NLGN1: variants seen among roughly 807,000 people sequenced by gnomAD.
NLGN1 encodes the protein neuroligin-1.
NLGN1 carries 12 observed loss-of-function variants against 65.5 expected under a neutral mutation model. The ratio of observed to expected loss-of-function variants is 0.18; its 90% confidence interval spans 0.12 to 0.30. The LOEUF is 0.30. NLGN1 is among the 10% of genes least tolerant of loss of function. The pLI is 1.00. For missense variants in NLGN1, 750 were observed against 1,007.1 expected (o/e 0.74, Z 3.46); for synonymous variants, 350 against 359.5 (o/e 0.97, Z 0.30).
intron 4 of NLGN1, among the ~76,000 whole-genome samples, chr3:174,196,794 G>A (rs2152768025): frequency 6.6e-6 from 1 of 152,232 alleles, no homozygotes; most frequent in South Asian, 2.1e-4. Context: ...GAAAAAAATA[G>A]CTAACACAAG....
intron 3 of NLGN1, among the ~76,000 whole-genome samples, chr3:173,620,372 C>G (rs1021069524): frequency 6.6e-6 from 1 of 152,074 alleles, no homozygotes; most frequent in Non-Finnish European, 1.5e-5. Context: ...AAGGATGACT[C>G]TAAGATGTCT....
chr3:174,285,363 G>A (rs1455532034), exon 7 of NLGN1: 2 of 151,410 alleles, frequency 1.3e-5, no homozygotes, highest in Non-Finnish European at 3.0e-5. Flanking sequence ...AGATGATTTG[G>A]TTATACTTGT....
At chr3:174,152,651 T>A (rs1724610294) in intron 4 of NLGN1, among the ~76,000 whole-genome samples, 2 of 151,758 alleles carry the variant, frequency 1.3e-5, no homozygotes, top group South Asian at 2.1e-4. Flanking sequence ...ATAATAAAAA[T>A]ATATATATAA....
At chr3:174,206,945 T>TC (rs1172291413) in intron 4 of NLGN1, among the ~76,000 whole-genome samples, 3 of 152,088 alleles carry the variant, frequency 2.0e-5, no homozygotes, top group Non-Finnish European at 4.4e-5. Flanking sequence ...AAGTATGATA[T>TC]CCTCCATACT....
intron 4 of NLGN1, among the ~76,000 whole-genome samples, chr3:174,154,793 T>C (rs1045170784): frequency 2.7e-5 from 4 of 149,630 alleles, no homozygotes; most frequent in Non-Finnish European, 5.9e-5. Flanking sequence ...ATTTATAGTA[T>C]ATATGTTGTA....
intron 2 of NLGN1, among the ~76,000 whole-genome samples, chr3:173,444,845 T>C (rs1201366737): frequency 1.3e-5 from 2 of 152,002 alleles, no homozygotes; most frequent in Admixed American, 1.3e-4. Flanking sequence ...TGTTTGTATA[T>C]ATATACACAC....
chr3:173,905,410 AG>A (rs146421661), intron 4 of NLGN1, among the ~76,000 whole-genome samples: 4,942 of 152,322 alleles, frequency 0.032, 134 homozygotes, highest in African/African-American at 0.076. Flanking sequence ...AAAGATTTCA[AG>A]GCTTCATGCT....
chr3:174,097,165 G>A (rs1184705633), intron 4 of NLGN1, among the ~76,000 whole-genome samples: 1 of 152,050 alleles, frequency 6.6e-6, no homozygotes, highest in African/African-American at 2.4e-5. Flanking sequence ...TATTCTGAAT[G>A]TTTTCTTAAT....
chr3:173,935,620 A>ACTCTCTCT (rs1209463253), intron 4 of NLGN1, among the ~76,000 whole-genome samples: 1 of 116,554 alleles, frequency 8.6e-6, no homozygotes, highest in African/African-American at 3.2e-5. Flanking sequence ...ACACACACAC[A>ACTCTCTCT]CACTCTCTCT....
intron 2 of NLGN1, among the ~76,000 whole-genome samples, chr3:173,469,171 C>T (rs1369924311): frequency 1.3e-5 from 2 of 151,894 alleles, no homozygotes; most frequent in East Asian, 1.9e-4. Flanking sequence ...AAATTTTTTC[C>T]AGTTCTTACT....
At chr3:173,532,100 A>G (rs1375435742) in intron 2 of NLGN1, among the ~76,000 whole-genome samples, 3 of 152,094 alleles carry the variant, frequency 2.0e-5, no homozygotes, top group Non-Finnish European at 2.9e-5. Flanking sequence ...TATACTTCCA[A>G]ATGTCACTAA....
chr3:173,808,794 T>C (rs1410970501), intron 4 of NLGN1, among the ~76,000 whole-genome samples: 1 of 152,156 alleles, frequency 6.6e-6, no homozygotes, highest in African/African-American at 2.4e-5. Flanking sequence ...CGCCTCACTC[T>C]TTCATTCTAT....
At position 173,473,257 on chromosome 3, in the gene NLGN1, GT is replaced by G. The variant is rs1725607736; in HGVS notation, c.-321+38183del. On this transcript the variant is annotated intron_variant, in intron 2 of 6. Transcript: ENST00000457714. ...CACACAGTACGAAAATATAGAAAAT[GT>G]TTTGATAATACTGCAAGTTGAGAAT... Among the ~76,000 whole-genome samples, 5 of 152,284 alleles carry G rather than the reference GT, an allele frequency of 3.3e-5. No individual in the cohort carries two copies. The South Asian group carries it at 1.0e-3, about 32-fold the overall frequency.
rs529097688 is a variant in NLGN1, at chr3:174,006,758, A to T, written c.646+198926A>T. 3.9e-5 allele frequency among the ~76,000 whole-genome samples: 6 copies of T among 152,180 alleles called. No homozygotes were observed. The East Asian group carries it at 7.8e-4, about 20-fold the overall frequency. ...TTAGGGTGTGCCCTAATCCAATCTG[A>T]CTGCATTCTTATAAGAAGAGGAGAT... On this transcript the variant is annotated intron_variant, in intron 4 of 6. Transcript: ENST00000457714.
Position 173,545,945 on chromosome 3 carries a change from G to C in NLGN1, c.-320-58334G>C, listed in dbSNP as rs927617659. 6.7e-4 allele frequency among the ~76,000 whole-genome samples: 102 copies of C among 152,192 alleles called. 1 individual carries two copies. Among genetic ancestry groups the C allele is most frequent in the African/African-American group, 2.3e-3 (95 of 41,532 alleles). Reference sequence around the variant, plus strand: ...AACATCACACACTGGGGCCTGTCAGGGGGTGGGGGGCTAGGGAAGGGATAG... The same window carrying C: ...AACATCACACACTGGGGCCTGTCAGCGGGTGGGGGGCTAGGGAAGGGATAG... On this transcript the variant is annotated intron_variant, in intron 2 of 6. Transcript: ENST00000457714.
intron 4 of NLGN1, among the ~76,000 whole-genome samples, chr3:173,860,933 G>A (rs1444628825): frequency 2.6e-5 from 4 of 152,160 alleles, no homozygotes; most frequent in Non-Finnish European, 5.9e-5. Flanking sequence ...ACAGATGTAT[G>A]AGACCATCAA....
intron 3 of NLGN1, among the ~76,000 whole-genome samples, chr3:173,639,534 G>T (rs1293698840): frequency 2.0e-5 from 3 of 152,204 alleles, no homozygotes; most frequent in Non-Finnish European, 4.4e-5. Flanking sequence ...AGACATGGAG[G>T]ACTGTTATGG....
chr3:173,864,885 A>G (rs1326186190), intron 4 of NLGN1, among the ~76,000 whole-genome samples: 1 of 152,176 alleles, frequency 6.6e-6, no homozygotes, highest in Non-Finnish European at 1.5e-5. Context: ...GAGATGGAAA[A>G]CCTAGAATGA....
chr3:173,419,366 G>A (rs570686578), intron 1 of NLGN1, among the ~76,000 whole-genome samples: 2 of 150,558 alleles, frequency 1.3e-5, no homozygotes, highest in African/African-American at 2.4e-5. Flanking sequence ...CAGGAAGGGG[G>A]TTATCTCGGG....
Sources: allele counts gnomAD v4.1 joint callset (sites outside exome capture counted in the v4.1 genomes callset), GRCh38; gene constraint gnomAD v4.1.1; transcripts MANE v1.5; gene names NCBI Gene and HGNC (gene_info 2026-07-23, HGNC 2026-07-21).